The following DENND2B variants were observed in gnomAD, a reference collection of about 807,000 sequenced individuals.
DENND2B encodes the protein DENN domain-containing protein 2B.
A neutral mutation model predicts 116.0 loss-of-function variants in DENND2B; 32 were observed. The observed-to-expected ratio is 0.28, with a 90% CI of 0.21 to 0.37. The LOEUF (loss-of-function observed/expected upper bound fraction) is 0.37, where lower values mean the gene tolerates loss of function less well. Among genes scored for constraint, DENND2B ranks in the 10% least tolerant of loss-of-function variants. The probability of loss-of-function intolerance (pLI) is 1.00; values close to 1 mark genes in which losing one functional copy is unlikely to be tolerated. For missense variants in DENND2B, 1,276 were observed against 1,477.7 expected (o/e 0.86, Z 2.24); for synonymous variants, 588 against 583.9 (o/e 1.01, Z -0.10).
At chr11:8,871,129 A>C (rs1320550759) in intron 1 of DENND2B, 1 of 151,340 alleles carries the variant, frequency 6.6e-6, no homozygotes, top group Non-Finnish European at 1.5e-5. Context: ...ATTTGAGTGG[A>C]GGGGGCGTGG....
chr11:8,777,408 G>C (rs1248166429), intron 1 of DENND2B, among the ~76,000 whole-genome samples: 1 of 152,184 alleles, frequency 6.6e-6, no homozygotes, highest in African/African-American at 2.4e-5. Flanking sequence ...TATTTTTCAT[G>C]TCTCACCCTC....
chr11:8,878,431 C>T (rs1211132274), intron 2 of DENND2B, among the ~76,000 whole-genome samples: 1 of 150,764 alleles, frequency 6.6e-6, no homozygotes, highest in African/African-American at 2.4e-5. Flanking sequence ...GCTCAGTCGT[C>T]CAGGCTGGAG....
chr11:8,760,243 A>ACCTCC (rs958930713), intron 1 of DENND2B, among the ~76,000 whole-genome samples: 5 of 151,514 alleles, frequency 3.3e-5, no homozygotes, highest in Non-Finnish European at 7.4e-5. Context: ...TCCCTGCCAT[A>ACCTCC]CCTCCCTTCC....
intron 1 of DENND2B, among the ~76,000 whole-genome samples, chr11:8,887,388 G>A (rs1346668848): frequency 6.6e-6 from 1 of 152,140 alleles, no homozygotes; most frequent in Non-Finnish European, 1.5e-5. Flanking sequence ...ACATTTGCTA[G>A]TATTTTCCCT....
chr11:8,840,160 A>G (rs2062576365), intron 3 of DENND2B, among the ~76,000 whole-genome samples: 1 of 152,018 alleles, frequency 6.6e-6, no homozygotes, highest in Non-Finnish European at 1.5e-5. Context: ...GGAAGCCAGC[A>G]TGCCCTTCTC....
chr11:8,729,198 G>A (rs2047649986), intron 3 of DENND2B, among the ~76,000 whole-genome samples: 2 of 152,176 alleles, frequency 1.3e-5, no homozygotes, highest in Non-Finnish European at 2.9e-5. Context: ...AGGAGGATAA[G>A]TATTCCCAAG....
intron 3 of DENND2B, among the ~76,000 whole-genome samples, chr11:8,843,440 C>T (rs1472322433): frequency 6.6e-6 from 1 of 152,186 alleles, no homozygotes; most frequent in Non-Finnish European, 1.5e-5. Context: ...AACAGACTCT[C>T]AGTGGGCCTC....
intron 1 of DENND2B, among the ~76,000 whole-genome samples, chr11:8,900,074 T>C (rs2064145707): frequency 6.6e-6 from 1 of 152,130 alleles, no homozygotes; most frequent in African/African-American, 2.4e-5. Context: ...GTGGACTGTT[T>C]GAGCCCAGGA....
chr11:8,751,614 C>A (rs1051790459), intron 1 of DENND2B, among the ~76,000 whole-genome samples: 2 of 152,130 alleles, frequency 1.3e-5, no homozygotes, highest in Non-Finnish European at 2.9e-5. Flanking sequence ...TCAGAAGGAA[C>A]AAACTACAGA....
intron 2 of DENND2B, among the ~76,000 whole-genome samples, chr11:8,863,206 C>T (rs1286935687): frequency 4.0e-5 from 6 of 149,346 alleles, no homozygotes; most frequent in African/African-American, 1.5e-4. Flanking sequence ...CCCTCTGAAA[C>T]AAGATATAAA....
At chr11:8,790,753 A>G (rs932757199) in intron 1 of DENND2B, among the ~76,000 whole-genome samples, 5 of 152,170 alleles carry the variant, frequency 3.3e-5, no homozygotes, top group South Asian at 4.2e-4. Context: ...CGTGCAACAG[A>G]GCAAAGAAAG....
chr11:8,815,550 T>C (rs2061540441), upstream of DENND2B, among the ~76,000 whole-genome samples: 1 of 152,188 alleles, frequency 6.6e-6, no homozygotes, highest in Non-Finnish European at 1.5e-5. Context: ...CTATGGCTCA[T>C]GCTGTTACCT....
chr11:8,887,580 C>T, intron 1 of DENND2B, among the ~76,000 whole-genome samples: 1 of 152,070 alleles, frequency 6.6e-6, no homozygotes, highest in East Asian at 1.9e-4. Context: ...CTACTCAGCC[C>T]TTCCATACCT....
chr11:8,795,481 G>A (rs1229065133), intron 1 of DENND2B, among the ~76,000 whole-genome samples: 1 of 152,114 alleles, frequency 6.6e-6, no homozygotes, highest in African/African-American at 2.4e-5. Context: ...TGGTTAACAA[G>A]CTCTCCAGGT....
At chr11:8,705,979 T>G (rs1470582437) in intron 13 of DENND2B, among the ~76,000 whole-genome samples, 3 of 152,226 alleles carry the variant, frequency 2.0e-5, no homozygotes, top group African/African-American at 7.2e-5. Context: ...CACAGGTGGC[T>G]CACGCCTGTA....
chr11:8,875,614 G>A (rs1012489452), upstream of DENND2B, among the ~76,000 whole-genome samples: 3 of 151,558 alleles, frequency 2.0e-5, no homozygotes, highest in African/African-American at 7.3e-5. Flanking sequence ...ATTCTATAGA[G>A]ATAGGAGTCT....
chr11:8,838,358 G>C (rs538709515), intron 4 of DENND2B, among the ~76,000 whole-genome samples: 1 of 152,290 alleles, frequency 6.6e-6, no homozygotes, highest in Admixed American at 6.5e-5. Context: ...CCACAAACTA[G>C]TAACACTGCA....
At chr11:8,819,206 G>T (rs2061678752) in intron 4 of DENND2B, among the ~76,000 whole-genome samples, 1 of 152,034 alleles carries the variant, frequency 6.6e-6, no homozygotes, top group Non-Finnish European at 1.5e-5. Context: ...ACCAGCCTGG[G>T]CAACATGGCA....
In DENND2B at chr11:8,730,377, TG is replaced by T. The variant is rs1555143843; in HGVS notation, c.912del (p.Ser305AlafsTer28). 1 of 1,604,624 alleles carries T rather than the reference TG, an allele frequency of 6.2e-7. No homozygotes were observed. ...EQPGRGLPQLPSSCYSVDRGK... is the reference protein window; with the variant it reads ...EQPGRGLPQLXSSCYSVDRGK... ...CCCCGGTCCACGCTGTAGCAGCTGC[TG>T]GGGAGCTGGGGGAGCCCCCGGCCCG... On this transcript the variant is annotated frameshift_variant, in exon 3 of 20. Transcript: ENST00000313726. LOFTEE classifies it high-confidence loss of function. This position sits in a 1 kb window ranked among gnomAD's most constrained non-coding sequence, Gnocchi z 4.1.
Sources: gnomAD v4.1 joint callset for allele counts (sites outside exome capture counted in the v4.1 genomes callset) on GRCh38, gnomAD v4.1.1 for gene constraint, Gnocchi (gnomAD v3.1) non-coding constraint, MANE v1.5 for transcripts, NCBI Gene and HGNC (gene_info 2026-07-23, HGNC 2026-07-21) for gene names.